NAA15: variants seen among roughly 807,000 people sequenced by gnomAD.
NAA15 encodes the protein N-terminal acetyltransferase.
Under a neutral mutation model 114.0 loss-of-function variants are expected in NAA15, and 34 were observed. That is an observed-to-expected ratio of 0.30 (90% CI 0.23 to 0.40). The LOEUF (loss-of-function observed/expected upper bound fraction) is 0.40. NAA15 is among the 10% of genes least tolerant of loss of function. NAA15 has a pLI of 1.00. For synonymous variants in NAA15, 340 were observed against 338.0 expected, an observed-to-expected ratio of 1.01 and a Z score of -0.06; for missense variants, 658 against 1,004.5, an observed-to-expected ratio of 0.66 and a Z score of 4.66.
chr4:139,329,747 C>T (rs1237380030), intron 1 of NAA15, among the ~76,000 whole-genome samples: 2 of 152,200 alleles, frequency 1.3e-5, no homozygotes, highest in Non-Finnish European at 2.9e-5. Flanking sequence ...TAGTACTCAA[C>T]AGTTTTCAAC....
intron 1 of NAA15, among the ~76,000 whole-genome samples, chr4:139,319,853 C>T (rs571250006): frequency 1.3e-5 from 2 of 152,318 alleles, no homozygotes; most frequent in South Asian, 4.1e-4. Context: ...TCTGGGATTC[C>T]TCTTACCAAC....
In NAA15 at chr4:139,384,911, G is replaced by T; in HGVS notation, c.2235G>T (p.Thr745=). The T allele has an allele frequency of 6.4e-7, 1 of 1,563,276 alleles. No individual in the cohort carries two copies. Among genetic ancestry groups the T allele is most frequent in the Non-Finnish European group, 8.7e-7 (1 of 1,154,252 alleles). ...KQEMNRLFGA[T]NPKNFNETFL... The stretch of plus-strand genomic sequence containing the variant: ...AAATGAATCGTCTTTTTGGAGCAAC[G>T]AATCCAAAGAATTTTAATGAAACTT... Residue 745 remains threonine (T), a synonymous_variant, in exon 18 of 20, where the codon ACG becomes ACT. Coordinates refer to ENST00000296543, the MANE Select transcript of NAA15 (RefSeq NM_057175.5).
intron 1 of NAA15, among the ~76,000 whole-genome samples, chr4:139,310,626 T>A (rs997240613): frequency 6.6e-6 from 1 of 151,748 alleles, no homozygotes; most frequent in Middle Eastern, 3.2e-3. Context: ...TTATTTTTAT[T>A]ATTATTTTTT....
At chr4:139,351,448 G>T in intron 8 of NAA15, 57 bp from the exon 9 acceptor site, 1 of 1,158,018 alleles carries the variant, frequency 8.6e-7, no homozygotes. Flanking sequence ...TAAATACTTT[G>T]GTAAATGTAA....
intron 7 of NAA15, among the ~76,000 whole-genome samples, chr4:139,350,494 TAAGTGGGG>T (rs1747741129): frequency 6.6e-6 from 1 of 152,148 alleles, no homozygotes; most frequent in African/African-American, 2.4e-5. Context: ...TCCTCTCCCA[TAAGTGGGG>T]TCCACTTGTG....
At chr4:139,329,243 C>T (rs955779942) in intron 1 of NAA15, among the ~76,000 whole-genome samples, 1 of 151,946 alleles carries the variant, frequency 6.6e-6, no homozygotes, top group Admixed American at 6.6e-5. Flanking sequence ...TTTCATTTTC[C>T]TCTTCATTTG....
At chr4:139,362,945 A>G (rs550257318) in intron 14 of NAA15, among the ~76,000 whole-genome samples, 14 of 152,154 alleles carry the variant, frequency 9.2e-5, no homozygotes, top group African/African-American at 2.6e-4. Flanking sequence ...GCTACTTTCT[A>G]TATCCTTCTT....
At chr4:139,330,947 T>C (rs1746980542) in intron 1 of NAA15, among the ~76,000 whole-genome samples, 4 of 152,232 alleles carry the variant, frequency 2.6e-5, no homozygotes, top group Admixed American at 2.6e-4. Flanking sequence ...TTCTACACAT[T>C]TTCTACCATG....
chr4:139,355,940 A>T (rs1747935800), intron 10 of NAA15, among the ~76,000 whole-genome samples: 1 of 152,228 alleles, frequency 6.6e-6, no homozygotes, highest in African/African-American at 2.4e-5. Context: ...TTACCTGTTT[A>T]CACAATGTTT....
intron 1 of NAA15, among the ~76,000 whole-genome samples, chr4:139,319,825 C>T (rs949252360): frequency 3.3e-5 from 5 of 152,186 alleles, no homozygotes; most frequent in Admixed American, 6.5e-5. Flanking sequence ...CTGTGCCTGG[C>T]GACTGAGAAT....
At chr4:139,352,662 CTT>C (rs746490411) in intron 9 of NAA15, among the ~76,000 whole-genome samples, 3 of 103,286 alleles carry the variant, frequency 2.9e-5, no homozygotes, top group Non-Finnish European at 1.9e-5. Flanking sequence ...CATAAAATAT[CTT>C]TTTTTTTTTT....
chr4:139,363,961 G>A (rs1466097227), intron 14 of NAA15, among the ~76,000 whole-genome samples: 1 of 152,190 alleles, frequency 6.6e-6, no homozygotes, highest in East Asian at 1.9e-4. Context: ...GCTCACTGCA[G>A]CCTTGAGCTC....
At chr4:139,374,863 C>T (rs1033551576) in intron 15 of NAA15, among the ~76,000 whole-genome samples, 3 of 152,164 alleles carry the variant, frequency 2.0e-5, no homozygotes, top group African/African-American at 7.2e-5. Flanking sequence ...AAGTTGGAGA[C>T]AGAATTAATT....
At chr4:139,359,338 A>G (rs1275690565) in intron 11 of NAA15, among the ~76,000 whole-genome samples, 2 of 151,778 alleles carry the variant, frequency 1.3e-5, no homozygotes, top group Non-Finnish European at 2.9e-5. Context: ...ATGTTGGCCA[A>G]GTTTGACTCG....
At chr4:139,327,828 G>A (rs999125412) in intron 1 of NAA15, among the ~76,000 whole-genome samples, 1 of 151,458 alleles carries the variant, frequency 6.6e-6, no homozygotes, top group African/African-American at 2.4e-5. Context: ...ACCACACCCC[G>A]CTAATTTTGT....
chr4:139,334,221 A>G lies in NAA15; in HGVS notation c.102A>G (p.Lys34=). ...ATAGAAATGGATTGAAATTCTGTAA[A>G]CAAATACTTTCTAATCCCAAATTTG... is the stretch of plus-strand genomic sequence containing the variant. ...KQYRNGLKFC[K]QILSNPKFAE... is the part of the protein sequence containing the mutation. The change falls in exon 2 of 20, where the codon AAA becomes AAG. Residue 34 remains lysine (K), a synonymous_variant. Transcript: ENST00000296543. The G allele has an allele frequency of 1.2e-6, 2 of 1,605,242 alleles. No individual in the cohort carries two copies. The highest frequency in any genetic ancestry group is 2.3e-5 in the East Asian group (1 of 44,440).
In NAA15 at chr4:139,351,282, A is replaced by G. The variant is rs1747770349; in HGVS notation, c.903A>G (p.Leu301=). The G allele has an allele frequency of 1.3e-6, 2 of 1,591,548 alleles. No individual in the cohort carries two copies. The highest frequency in any genetic ancestry group is 1.3e-5 in the African/African-American group (1 of 74,492). ...LVPRRLPLNF[L]SGEKFKECLD... is the part of the protein sequence containing the mutation. ...CAAGAAGGCTGCCGTTAAACTTTTT[A>G]TCTGGTAAGTGAGAATAATTGCAAA... The change falls in exon 8 of 20, where the codon TTA becomes TTG. Residue 301 remains leucine, a synonymous_variant. Coordinates refer to ENST00000296543, the MANE Select transcript of NAA15 (RefSeq NM_057175.5).
Position 139,311,911 on chromosome 4 carries a change from C to T in NAA15, c.54+10080C>T, listed in dbSNP as rs796436465. On this transcript the variant is annotated intron_variant, in intron 1 of 19. Coordinates refer to ENST00000296543, the MANE Select transcript of NAA15 (RefSeq NM_057175.5). Reference sequence around the variant, plus strand: ...TGAAGGCTATAGTTTGTGATTATTGCGCCTGTGAATTGCTACTGCACTCCA... The same window carrying T: ...TGAAGGCTATAGTTTGTGATTATTGTGCCTGTGAATTGCTACTGCACTCCA... Among the ~76,000 whole-genome samples the T allele has an allele frequency of 1.2e-4, 18 of 151,790 alleles. 1 individual carries two copies. Among genetic ancestry groups the T allele is most frequent in the African/African-American group, 3.4e-4 (14 of 41,338 alleles).
intron 2 of NAA15, among the ~76,000 whole-genome samples, chr4:139,334,563 A>G (rs1220933851): frequency 6.6e-6 from 1 of 152,228 alleles, no homozygotes; most frequent in Non-Finnish European, 1.5e-5. Flanking sequence ...TATGCTTTAT[A>G]ATCTTATTCA....
Sources: allele counts gnomAD v4.1 joint callset (sites outside exome capture counted in the v4.1 genomes callset), GRCh38; gene constraint gnomAD v4.1.1; transcripts MANE v1.5; gene names NCBI Gene and HGNC (gene_info 2026-07-23, HGNC 2026-07-21).